The following CNTNAP2 variants were observed in gnomAD, a reference collection of about 807,000 sequenced individuals.
CNTNAP2 encodes contactin-associated protein-like 2.
Under a neutral mutation model 155.2 loss-of-function variants are expected in CNTNAP2, and 98 were observed. The observed-to-expected ratio is 0.63, with a 90% CI of 0.54 to 0.75. The LOEUF is 0.75. Ranked by LOEUF, CNTNAP2 falls within the 30% of genes least tolerant of loss-of-function variation. The pLI, the probability that CNTNAP2 is intolerant of heterozygous loss-of-function variation, is 0.00. For synonymous variants in CNTNAP2, 651 were observed against 631.2 expected, an observed-to-expected ratio of 1.03 and a Z score of -0.47; for missense variants, 1,727 against 1,688.1, an observed-to-expected ratio of 1.02 and a Z score of -0.40.
chr7:147,166,990 T>G (rs555494369), intron 8 of CNTNAP2, among the ~76,000 whole-genome samples: 3 of 152,292 alleles, frequency 2.0e-5, no homozygotes, highest in Non-Finnish European at 2.9e-5. Flanking sequence ...GTAGTAGTTT[T>G]GTTATATCTA....
intron 3 of CNTNAP2, among the ~76,000 whole-genome samples, chr7:146,914,242 G>T (rs998360171): frequency 6.6e-6 from 1 of 151,962 alleles, no homozygotes; most frequent in Non-Finnish European, 1.5e-5. Flanking sequence ...ATTGTGAATG[G>T]TGATGCTATA....
chr7:146,461,579 A>T (rs1796638432), intron 1 of CNTNAP2, among the ~76,000 whole-genome samples: 1 of 152,230 alleles, frequency 6.6e-6, no homozygotes, highest in South Asian at 2.1e-4. Flanking sequence ...TATCTAAGGG[A>T]GTTAGAAAAC....
intron 11 of CNTNAP2, among the ~76,000 whole-genome samples, chr7:147,495,968 C>G (rs138833281): frequency 3.3e-5 from 5 of 152,048 alleles, no homozygotes; most frequent in Admixed American, 6.6e-5. Flanking sequence ...CAGAGGAGCA[C>G]GAATGCTATT....
intron 1 of CNTNAP2, among the ~76,000 whole-genome samples, chr7:146,170,888 A>G (rs532523288): frequency 1.8e-4 from 27 of 152,194 alleles, no homozygotes; most frequent in African/African-American, 5.5e-4. Flanking sequence ...TTAGCCAGAC[A>G]TAGTGTTGGC....
chr7:147,243,874 G>T (rs1247650479), intron 8 of CNTNAP2, among the ~76,000 whole-genome samples: 1 of 151,860 alleles, frequency 6.6e-6, no homozygotes, highest in Non-Finnish European at 1.5e-5. Context: ...TATCTAGTTG[G>T]CACCAAGGAC....
chr7:146,985,308 A>ATTTTTTTTTTTTTTTTTTT lies in CNTNAP2; in HGVS notation c.403-58588_403-58570dup, dbSNP rs71165057. Among the ~76,000 whole-genome samples, 4 of 127,826 alleles carry ATTTTTTTTTTTTTTTTTTT rather than the reference A, an allele frequency of 3.1e-5. 1 individual carries two copies. Among genetic ancestry groups the ATTTTTTTTTTTTTTTTTTT allele is most frequent in the African/African-American group, 1.3e-4 (4 of 31,962 alleles). 83.9% of individuals were successfully genotyped at this position (127,826 alleles called of 152,430 possible). On this transcript the variant is annotated intron_variant, in intron 3 of 23. Transcript: ENST00000361727. ...CAAAGTGCTTGTGGAAAATGCTTGA[A>ATTTTTTTTTTTTTTTTTTT]TTTTTTTTTTTTTTTTTTTTTTTTT... is the stretch of plus-strand genomic sequence containing the variant.
At chr7:146,887,234 C>T (rs374722043) in intron 3 of CNTNAP2, among the ~76,000 whole-genome samples, 5 of 152,064 alleles carry the variant, frequency 3.3e-5, no homozygotes, top group African/African-American at 9.6e-5. Context: ...ACTGCAAACT[C>T]GCCTCCCCAG....
intron 1 of CNTNAP2, among the ~76,000 whole-genome samples, chr7:146,629,375 A>G (rs1799473106): frequency 6.6e-6 from 1 of 152,274 alleles, no homozygotes; most frequent in East Asian, 1.9e-4. Context: ...GGAAGTTAAT[A>G]CTTTTCTTTA....
intron 15 of CNTNAP2, among the ~76,000 whole-genome samples, chr7:148,022,985 A>G (rs1421731388): frequency 6.6e-6 from 1 of 152,114 alleles, no homozygotes; most frequent in Non-Finnish European, 1.5e-5. Flanking sequence ...GTAATAGCTT[A>G]AGACTACTGT....
chr7:147,170,330 T>C (rs751349986), intron 8 of CNTNAP2, among the ~76,000 whole-genome samples: 3 of 152,122 alleles, frequency 2.0e-5, no homozygotes, highest in Non-Finnish European at 4.4e-5. Context: ...AGCTGTGCTC[T>C]GAAGTGTGAG....
At chr7:148,336,322 G>T (rs959314510) in intron 21 of CNTNAP2, among the ~76,000 whole-genome samples, 3 of 151,880 alleles carry the variant, frequency 2.0e-5, no homozygotes, top group African/African-American at 7.3e-5. Flanking sequence ...GTTTCATCTA[G>T]AGAAATATGG....
At chr7:147,273,894 GTAAT>G (rs1373374041) in intron 8 of CNTNAP2, among the ~76,000 whole-genome samples, 1 of 145,818 alleles carries the variant, frequency 6.9e-6, no homozygotes, top group African/African-American at 2.5e-5. Flanking sequence ...ATTTATATGT[GTAAT>G]TATATATTAC....
chr7:147,321,204 G>C (rs1016770613), intron 9 of CNTNAP2, among the ~76,000 whole-genome samples: 3 of 152,086 alleles, frequency 2.0e-5, no homozygotes, highest in Non-Finnish European at 4.4e-5. Flanking sequence ...TTCAGCTAAT[G>C]TCAAACTACC....
intron 8 of CNTNAP2, among the ~76,000 whole-genome samples, chr7:147,233,155 A>G (rs965709299): frequency 2.6e-5 from 4 of 152,224 alleles, no homozygotes; most frequent in Non-Finnish European, 5.9e-5. Flanking sequence ...TTAAAAGTGA[A>G]CAGAAAATGG....
At chr7:146,721,859 A>ATGTGTGTG (rs1339848281) in intron 1 of CNTNAP2, among the ~76,000 whole-genome samples, 14 of 92,708 alleles carry the variant, frequency 1.5e-4, no homozygotes, top group African/African-American at 1.0e-3. Flanking sequence ...CTACATTTAT[A>ATGTGTGTG]TGTGTGTGTG....
chr7:146,603,748 C>G lies in CNTNAP2; in HGVS notation c.98-170523C>G, dbSNP rs4726798. ...AGATATAGATCAATGGAACAGAACA[C>G]AGCCCTCAGAAATAATGCCACATAA... On this transcript the variant is annotated intron_variant, in intron 1 of 23. Coordinates refer to ENST00000361727, the MANE Select transcript of CNTNAP2 (RefSeq NM_014141.6). 8.9e-3 allele frequency among the ~76,000 whole-genome samples: 1,334 copies of G among 149,150 alleles called. 17 individuals are homozygous for G. Among genetic ancestry groups the G allele is most frequent in the African/African-American group, 0.031 (1,278 of 40,694 alleles).
chr7:146,625,663 T>C (rs530249157), intron 1 of CNTNAP2, among the ~76,000 whole-genome samples: 33 of 152,058 alleles, frequency 2.2e-4, no homozygotes, highest in Non-Finnish European at 2.6e-4. Context: ...GGCAAAGACA[T>C]ATGAGGACAC....
At chr7:147,474,272 C>T (rs936661563) in intron 10 of CNTNAP2, among the ~76,000 whole-genome samples, 1 of 151,876 alleles carries the variant, frequency 6.6e-6, no homozygotes, top group African/African-American at 2.4e-5. Context: ...TGTTTGAGAA[C>T]TGAAATGAGC....
chr7:147,757,058 C>T (rs1462946251), intron 13 of CNTNAP2, among the ~76,000 whole-genome samples: 3 of 152,082 alleles, frequency 2.0e-5, no homozygotes, highest in Non-Finnish European at 2.9e-5. Context: ...ACTTTGAGAC[C>T]GATGGAATAA....
Sources: allele counts gnomAD v4.1 joint callset (sites outside exome capture counted in the v4.1 genomes callset), GRCh38; gene constraint gnomAD v4.1.1; transcripts MANE v1.5; gene names NCBI Gene and HGNC (gene_info 2026-07-23, HGNC 2026-07-21).